PCDH15: variants seen among roughly 807,000 people sequenced by gnomAD.
PCDH15 encodes protocadherin related 15.
PCDH15 carries 129 observed loss-of-function variants against 178.5 expected under a neutral mutation model. That is an observed-to-expected ratio of 0.72 (90% CI 0.63 to 0.84). The LOEUF (loss-of-function observed/expected upper bound fraction) is 0.84. Ranked by LOEUF, PCDH15 falls within the 40% of genes least tolerant of loss-of-function variation. The pLI is 0.00. For synonymous variants in PCDH15, 800 were observed against 732.0 expected, an observed-to-expected ratio of 1.09 and a Z score of -1.50; for missense variants, 2,230 against 2,099.9, an observed-to-expected ratio of 1.06 and a Z score of -1.21.
At chr10:55,417,171 C>A (rs1252062732) in intron 2 of PCDH15, among the ~76,000 whole-genome samples, 1 of 151,738 alleles carries the variant, frequency 6.6e-6, no homozygotes, top group Non-Finnish European at 1.5e-5. Flanking sequence ...TGGCACATAG[C>A]CACTCTTTAA....
intron 2 of PCDH15, among the ~76,000 whole-genome samples, chr10:54,608,610 A>G (rs968815617): frequency 1.3e-5 from 2 of 152,014 alleles, no homozygotes; most frequent in African/African-American, 4.8e-5. Flanking sequence ...CTCTCTTAAC[A>G]AAATAAAAAA....
At chr10:55,507,273 G>C (rs1276604222) in intron 2 of PCDH15, among the ~76,000 whole-genome samples, 1 of 151,484 alleles carries the variant, frequency 6.6e-6, no homozygotes, top group Non-Finnish European at 1.5e-5. Flanking sequence ...GCTACTTTTA[G>C]ATAATATAAT....
chr10:54,024,173 TAAG>T, intron 18 of PCDH15, among the ~76,000 whole-genome samples: 1 of 152,256 alleles, frequency 6.6e-6, no homozygotes, highest in East Asian at 1.9e-4. Flanking sequence ...TGAAATGTAA[TAAG>T]AATTAATCTT....
rs1564552874 is a variant in PCDH15, at chr10:53,827,464, C to T, written c.4296G>A (p.Val1432=). ...AKPAVPAPAP[V]AAPPPPPPPP... is the part of the protein sequence containing the mutation. ...GCGGCGGCGGCGGCGGGGGCGCTGC[C>T]ACTGGTGCAGGAGCCGGCACTGCTG... is the stretch of plus-strand genomic sequence containing the variant. Residue 1432 remains valine (V), a synonymous_variant, in exon 32 of 38, where the codon GTG becomes GTA. Coordinates refer to ENST00000644397, the MANE Select transcript of PCDH15 (RefSeq NM_001384140.1). 6.2e-7 allele frequency: 1 copy of T among 1,613,726 alleles called. No homozygotes were observed. Among genetic ancestry groups the T allele is most frequent in the African/African-American group, 1.3e-5 (1 of 74,922 alleles).
chr10:53,834,233 T>A (rs987090304), intron 29 of PCDH15, among the ~76,000 whole-genome samples: 13 of 152,278 alleles, frequency 8.5e-5, no homozygotes, highest in African/African-American at 2.9e-4. Context: ...GGAATTCTTT[T>A]ACCAGAAACA....
intron 2 of PCDH15, among the ~76,000 whole-genome samples, chr10:55,372,408 T>A (rs1192655110): frequency 1.3e-5 from 2 of 152,114 alleles, no homozygotes; most frequent in African/African-American, 4.8e-5. Flanking sequence ...AAACTGGAAA[T>A]ATATACAAAA....
intron 13 of PCDH15, among the ~76,000 whole-genome samples, chr10:54,180,601 G>A (rs926122396): frequency 2.6e-5 from 4 of 152,148 alleles, no homozygotes; most frequent in Non-Finnish European, 4.4e-5. Flanking sequence ...GTGATGAGGT[G>A]TAGCATAGGG....
intron 2 of PCDH15, among the ~76,000 whole-genome samples, chr10:54,663,042 T>G (rs1213572000): frequency 6.6e-6 from 1 of 151,998 alleles, no homozygotes; most frequent in Admixed American, 6.6e-5. Context: ...CAAGAGATCA[T>G]GCTGCCGATC....
At chr10:55,297,750 C>G (rs1049232965) in intron 1 of PCDH15, among the ~76,000 whole-genome samples, 1 of 152,050 alleles carries the variant, frequency 6.6e-6, no homozygotes, top group African/African-American at 2.4e-5. Flanking sequence ...CTCTAGGACC[C>G]TAGTAAGGGG....
chr10:54,037,243 C>T (rs1422575378), intron 18 of PCDH15, among the ~76,000 whole-genome samples: 1 of 151,896 alleles, frequency 6.6e-6, no homozygotes, highest in East Asian at 1.9e-4. Flanking sequence ...AGAAGATTGA[C>T]TCCAATTCTG....
chr10:54,276,128 C>T (rs1244227107), intron 8 of PCDH15, among the ~76,000 whole-genome samples: 2 of 151,382 alleles, frequency 1.3e-5, no homozygotes, highest in Middle Eastern at 3.5e-3. Context: ...AAGCAAAACC[C>T]ATAAAGAGAA....
chr10:55,589,081 CAAAAAAAAAAAAAA>C (rs35940637), intron 2 of PCDH15, among the ~76,000 whole-genome samples: 3 of 81,172 alleles, frequency 3.7e-5, no homozygotes. Context: ...AATTCCGTGT[CAAAAAAAAAAAAAA>C]AAAAAAGAAA....
intron 15 of PCDH15, among the ~76,000 whole-genome samples, chr10:54,101,946 G>A (rs2094820064): frequency 6.6e-6 from 1 of 152,084 alleles, no homozygotes; most frequent in Non-Finnish European, 1.5e-5. Context: ...CTACACTCCA[G>A]CCTGGGCAAC....
At chr10:54,191,880 C>T (rs1030540376) in intron 11 of PCDH15, among the ~76,000 whole-genome samples, 7 of 149,308 alleles carry the variant, frequency 4.7e-5, no homozygotes, top group Non-Finnish European at 8.9e-5. Context: ...TGGATTGTGA[C>T]GCTGCACTCC....
At chr10:53,831,588 TA>T in intron 29 of PCDH15, 55 bp from the exon 30 acceptor site, 1 of 1,282,614 alleles carries the variant, frequency 7.8e-7, no homozygotes, top group Non-Finnish European at 1.1e-6. Context: ...AAGAGCATTT[TA>T]AAAATAAAAT....
chr10:53,817,687 T>G (rs1564522973), intron 34 of PCDH15, among the ~76,000 whole-genome samples: 2 of 151,720 alleles, frequency 1.3e-5, no homozygotes, highest in Admixed American at 6.6e-5. Context: ...GTTTCTAAAT[T>G]ATATGTATAG....
chr10:55,322,753 G>A (rs1392978402), upstream of PCDH15, among the ~76,000 whole-genome samples: 2 of 148,274 alleles, frequency 1.3e-5, no homozygotes, highest in Non-Finnish European at 3.0e-5. Flanking sequence ...AGGAAGCAGA[G>A]CATAAAGAAT....
At position 53,853,410 on chromosome 10, in the gene PCDH15, TAGAC is replaced by T. The variant is rs549907227; in HGVS notation, c.3806+3761_3806+3764del. On this transcript the variant is annotated intron_variant, in intron 28 of 37. Transcript: ENST00000644397. ...ATAGCACAGGAAACAAAAGCAAAAA[TAGAC>T]AGATGGACTACCTCTGACTTTAAAA... Among the ~76,000 whole-genome samples, 411 of 152,104 alleles carry T rather than the reference TAGAC, an allele frequency of 2.7e-3. 3 individuals are homozygous for T. Among genetic ancestry groups the T allele is most frequent in the African/African-American group, 9.3e-3 (388 of 41,516 alleles).
At chr10:55,135,383 T>C (rs1041162789) in intron 2 of PCDH15, among the ~76,000 whole-genome samples, 4 of 151,802 alleles carry the variant, frequency 2.6e-5, no homozygotes, top group Admixed American at 2.6e-4. Flanking sequence ...CTCATGCTAA[T>C]TTCAAACCAT....
Sources: gnomAD v4.1 joint callset for allele counts (sites outside exome capture counted in the v4.1 genomes callset) on GRCh38, gnomAD v4.1.1 for gene constraint, MANE v1.5 for transcripts, NCBI Gene and HGNC (gene_info 2026-07-23, HGNC 2026-07-21) for gene names.